Variants in CNTN4 observed in about 807,000 individuals in gnomAD.
CNTN4 encodes the protein contactin-4.
In CNTN4, 77 loss-of-function variants were observed where a neutral mutation model predicts 122.5. That is an observed-to-expected ratio of 0.63 (90% CI 0.52 to 0.76). CNTN4 has a LOEUF of 0.76. CNTN4 is among the 30% of genes least tolerant of loss of function. The probability of loss-of-function intolerance (pLI) is 0.00; values close to 1 mark genes in which losing one functional copy is unlikely to be tolerated. For synonymous variants in CNTN4, 512 were observed against 447.0 expected (o/e 1.15, Z -1.83); for missense variants, 1,256 against 1,259.1 (o/e 1.00, Z 0.04).
rs190472350 is a variant in CNTN4 at position 2,306,070 on chromosome 3, A to T, written c.-144-33108A>T. On this transcript the variant is annotated intron_variant, in intron 2 of 24. Transcript: ENST00000418658. ...TTTGGGGTTGTTTTTATTTTTTGTA[A>T]TTATAAATAATGTTGCTTTGAATAT... Among the ~76,000 whole-genome samples, 11 of 152,206 alleles carry T rather than the reference A, an allele frequency of 7.2e-5. No individual in the cohort carries two copies. In the East Asian group the frequency reaches 1.9e-3, roughly 27 times the overall value.
chr3:2,457,646 AG>A (rs2151408317), intron 3 of CNTN4, among the ~76,000 whole-genome samples: 1 of 152,288 alleles, frequency 6.6e-6, no homozygotes, highest in Non-Finnish European at 1.5e-5. Context: ...ATAACAAACC[AG>A]GGGAGACTAA....
At chr3:2,193,648 C>T (rs1287768320) in intron 2 of CNTN4, among the ~76,000 whole-genome samples, 2 of 152,138 alleles carry the variant, frequency 1.3e-5, no homozygotes, top group Non-Finnish European at 2.9e-5. Flanking sequence ...TAATCATGCA[C>T]CACATAATGA....
chr3:2,122,231 T>C (rs2033848505), intron 2 of CNTN4, among the ~76,000 whole-genome samples: 1 of 152,172 alleles, frequency 6.6e-6, no homozygotes, highest in African/African-American at 2.4e-5. Context: ...AAAGGGTACC[T>C]GGTCAAAACT....
Position 3,057,833 on chromosome 3 carries a change from A to G in CNTN4, c.*1613A>G, listed in dbSNP as rs1247449738. On this transcript the variant is annotated 3_prime_UTR_variant, in exon 25 of 25. Coordinates refer to ENST00000418658, the MANE Select transcript of CNTN4 (RefSeq NM_175607.3). ...ATGCAAAAAAAAAATCAGCAAAATA[A>G]TAAAATGAACGAAAAAAAATGACAC... 2 of 152,654 alleles carry G rather than the reference A, an allele frequency of 1.3e-5. No homozygotes were observed. Among genetic ancestry groups the G allele is most frequent in the East Asian group, 1.9e-4 (1 of 5,204 alleles). 9.5% of individuals were successfully genotyped at this position (152,654 alleles called of 1,614,324 possible).
At chr3:2,725,539 A>G (rs1462130709) in intron 4 of CNTN4, among the ~76,000 whole-genome samples, 1 of 152,206 alleles carries the variant, frequency 6.6e-6, no homozygotes, top group Non-Finnish European at 1.5e-5. Flanking sequence ...AGTCTCCAGA[A>G]TGACTTAGAT....
chr3:2,137,243 T>C (rs905695133), intron 2 of CNTN4, among the ~76,000 whole-genome samples: 1 of 152,234 alleles, frequency 6.6e-6, no homozygotes, highest in African/African-American at 2.4e-5. Flanking sequence ...TCATACCTTA[T>C]AGTGGCACAT....
At chr3:2,673,054 T>A (rs2084627374) in intron 4 of CNTN4, among the ~76,000 whole-genome samples, 1 of 152,218 alleles carries the variant, frequency 6.6e-6, no homozygotes, top group African/African-American at 2.4e-5. Context: ...TAATGGCAAG[T>A]ATGTTATTTT....
At chr3:2,840,751 A>T (rs900173675) in intron 7 of CNTN4, among the ~76,000 whole-genome samples, 1 of 151,974 alleles carries the variant, frequency 6.6e-6, no homozygotes, top group Admixed American at 6.6e-5. Flanking sequence ...CTAGATTTTT[A>T]AAAAATGTTT....
intron 2 of CNTN4, among the ~76,000 whole-genome samples, chr3:2,257,229 T>C (rs1364911712): frequency 6.6e-6 from 1 of 152,210 alleles, no homozygotes; most frequent in Non-Finnish European, 1.5e-5. Context: ...GAAAACTGGC[T>C]AGCCATAGGC....
chr3:2,718,725 C>G (rs2087652119), intron 4 of CNTN4, among the ~76,000 whole-genome samples: 1 of 152,100 alleles, frequency 6.6e-6, no homozygotes, highest in African/African-American at 2.4e-5. Flanking sequence ...ACATTTATTT[C>G]TGTAATTTCT....
intron 2 of CNTN4, among the ~76,000 whole-genome samples, chr3:2,208,547 T>C (rs1260412157): frequency 6.6e-6 from 1 of 152,158 alleles, no homozygotes; most frequent in Non-Finnish European, 1.5e-5. Flanking sequence ...ATTTAGAATA[T>C]TATGTAACTA....
rs114632112 is a variant in CNTN4 at position 2,744,422 on chromosome 3, A to G, written c.183-1100A>G. On this transcript the variant is annotated intron_variant, in intron 5 of 24. Transcript: ENST00000418658. ...TGGTGATTTTTACTATTTAAAGGAG[A>G]TAAGGTTAATGGCTCTCATTCCTTA... 5.0e-3 allele frequency among the ~76,000 whole-genome samples: 767 copies of G among 152,354 alleles called. 7 individuals carry two copies. Among genetic ancestry groups the G allele is most frequent in the African/African-American group, 0.017 (709 of 41,590 alleles).
At position 2,709,171 on chromosome 3, in the gene CNTN4, T is replaced by C. The variant is rs2675295; in HGVS notation, c.56-27044T>C. Among the ~76,000 whole-genome samples, 1,800 of 152,326 alleles carry C rather than the reference T, an allele frequency of 0.012. 40 individuals carry two copies. The highest frequency in any genetic ancestry group is 0.041 in the African/African-American group (1,707 of 41,568). On this transcript the variant is annotated intron_variant, in intron 4 of 24. Coordinates refer to ENST00000418658, the MANE Select transcript of CNTN4 (RefSeq NM_175607.3). The surrounding 1 kb of genome is among the most constrained non-coding windows in gnomAD (Gnocchi z 5.0). ...GATGAAAATCCAGCAAAAATGCATA[T>C]TGCATTTACAACAGACAAAACCAAA...
chr3:2,571,630 T>TCTAAAGTGAAGGCC, intron 4 of CNTN4, 72 bp downstream of exon 4: 1 of 1,102,324 alleles, frequency 9.1e-7, no homozygotes, highest in Non-Finnish European at 1.4e-6. Flanking sequence ...AAGTGGGCCT[T>TCTAAAGTGAAGGCC]CACTTTAGAC....
chr3:2,784,385 C>T (rs1398557048), intron 6 of CNTN4, among the ~76,000 whole-genome samples: 4 of 152,170 alleles, frequency 2.6e-5, no homozygotes, highest in African/African-American at 4.8e-5. Context: ...CCTCCACATC[C>T]GTTTGATCTT....
chr3:2,845,686 A>G (rs746488782), intron 7 of CNTN4, among the ~76,000 whole-genome samples: 6 of 152,160 alleles, frequency 3.9e-5, no homozygotes. Flanking sequence ...GAGGTAAAAT[A>G]CTCAGATCAA....
At chr3:2,929,684 C>G (rs563235315) in intron 13 of CNTN4, among the ~76,000 whole-genome samples, 1 of 152,214 alleles carries the variant, frequency 6.6e-6, no homozygotes, top group Non-Finnish European at 1.5e-5. Flanking sequence ...AGGCTCTCCT[C>G]TCCTGCTAGT....
rs1030644255 is a variant in CNTN4, at chr3:2,709,684, C to T, written c.56-26531C>T. Among the ~76,000 whole-genome samples, 2 of 152,124 alleles carry T rather than the reference C, an allele frequency of 1.3e-5. No individual in the cohort carries two copies. The highest frequency in any genetic ancestry group is 2.9e-5 in the Non-Finnish European group (2 of 68,016). ...ACCGCAGCACTTTGGGAGGCTGAGGCAGGTGGATCACTTGAGGTCAGGAGT... is the reference window on the plus strand; with the variant it reads ...ACCGCAGCACTTTGGGAGGCTGAGGTAGGTGGATCACTTGAGGTCAGGAGT... On this transcript the variant is annotated intron_variant, in intron 4 of 24. Transcript: ENST00000418658. This position sits in a 1 kb window ranked among gnomAD's most constrained non-coding sequence, Gnocchi z 5.0.
At chr3:2,183,586 T>C (rs1194993863) in intron 2 of CNTN4, among the ~76,000 whole-genome samples, 2 of 152,224 alleles carry the variant, frequency 1.3e-5, no homozygotes, top group African/African-American at 4.8e-5. Context: ...ACCTGTTCTC[T>C]GTTAGGCGAG....
Sources: gnomAD v4.1 joint callset for allele counts (sites outside exome capture counted in the v4.1 genomes callset) on GRCh38, gnomAD v4.1.1 for gene constraint, Gnocchi (gnomAD v3.1) non-coding constraint, MANE v1.5 for transcripts, NCBI Gene and HGNC (gene_info 2026-07-23, HGNC 2026-07-21) for gene names.